The following TRUB1 variants were observed in gnomAD, a reference collection of about 807,000 sequenced individuals.
The protein encoded by TRUB1 is TruB pseudouridine synthase family member 1.
TRUB1 carries 23 observed loss-of-function variants against 33.9 expected under a neutral mutation model. That is an observed-to-expected ratio of 0.68 (90% confidence interval 0.49 to 0.96). The LOEUF is 0.96. Ranked by LOEUF, TRUB1 falls within the 40% of genes least tolerant of loss-of-function variation. The probability of loss-of-function intolerance (pLI) is 0.00; values close to 1 mark genes in which losing one functional copy is unlikely to be tolerated. For synonymous variants in TRUB1, 163 were observed against 165.4 expected (o/e 0.99, Z 0.11); for missense variants, 378 against 422.2 (o/e 0.90, Z 0.92).
chr10:114,958,477 T>C (rs2143021806), intron 3 of TRUB1, among the ~76,000 whole-genome samples: 1 of 152,338 alleles, frequency 6.6e-6, no homozygotes, highest in Admixed American at 6.5e-5. Flanking sequence ...TTTGAAGTTT[T>C]AATATTTTTC....
intron 4 of TRUB1, among the ~76,000 whole-genome samples, chr10:114,969,033 T>C (rs1592054080): frequency 6.6e-6 from 1 of 152,142 alleles, no homozygotes; most frequent in African/African-American, 2.4e-5. Flanking sequence ...ATAGGAAATA[T>C]GTATGAAGAC....
intron 4 of TRUB1, 166 bp downstream of exon 4, chr10:114,959,973 A>G: frequency 1.8e-6 from 1 of 559,002 alleles, no homozygotes; most frequent in East Asian, 3.0e-5. Context: ...TGCTTACTTG[A>G]TAGGAGTTTT....
At chr10:114,974,770 T>C (rs1366840449) in intron 7 of TRUB1, among the ~76,000 whole-genome samples, 7 of 152,086 alleles carry the variant, frequency 4.6e-5, no homozygotes, top group Non-Finnish European at 1.0e-4. Flanking sequence ...GCCAGAAGGT[T>C]TCGGTTCTGG....
At chr10:114,951,281 T>G (rs902976998) in intron 3 of TRUB1, 132 bp downstream of exon 3, 2 of 572,806 alleles carry the variant, frequency 3.5e-6, no homozygotes, top group Middle Eastern at 4.5e-4. Flanking sequence ...TAATTATGTC[T>G]ATAAACATAT....
chr10:114,962,515 G>T (rs1055415253), intron 4 of TRUB1, among the ~76,000 whole-genome samples: 2 of 152,120 alleles, frequency 1.3e-5, no homozygotes, highest in Non-Finnish European at 2.9e-5. Context: ...ACATTAATTT[G>T]CCATTGACTG....
chr10:114,963,546 C>T (rs1392640531), intron 4 of TRUB1, among the ~76,000 whole-genome samples: 2 of 152,178 alleles, frequency 1.3e-5, no homozygotes, highest in Non-Finnish European at 2.9e-5. Flanking sequence ...CTAGCTATCA[C>T]CCTTAGTCAA....
At position 114,953,556 on chromosome 10, in the gene TRUB1, C is replaced by T. The variant is rs114977531; in HGVS notation, c.441+2407C>T. Among the ~76,000 whole-genome samples, 1,126 of 151,490 alleles carry T rather than the reference C, an allele frequency of 7.4e-3. 16 individuals carry two copies. The highest frequency in any genetic ancestry group is 0.026 in the African/African-American group (1,067 of 41,334). The stretch of plus-strand genomic sequence containing the variant: ...TTTCAAAATTTTTTTGACTAAGACC[C>T]ATAGTAAGAAACATATTTTATGTAA... On this transcript the variant is annotated intron_variant, in intron 3 of 7. Coordinates refer to ENST00000298746, the MANE Select transcript of TRUB1 (RefSeq NM_139169.5).
chr10:114,977,428 T>C lies in TRUB1; in HGVS notation c.*2049T>C, dbSNP rs1330368068. On this transcript the variant is annotated 3_prime_UTR_variant, in exon 8 of 8. Coordinates refer to ENST00000298746, the MANE Select transcript of TRUB1 (RefSeq NM_139169.5). ...ATACTTAAGTAGTTTTAAATTTTAT[T>C]ATGATAAATTCCTGGGAGGGGGATT... 1 of 152,064 alleles carries C rather than the reference T, an allele frequency of 6.6e-6. No individual in the cohort carries two copies. The allele number at this position is 152,064 out of a possible 1,614,324, so 9.4% of individuals were successfully genotyped here.
At chr10:114,948,329 A>G (rs952068426) in intron 2 of TRUB1, among the ~76,000 whole-genome samples, 1 of 152,110 alleles carries the variant, frequency 6.6e-6, no homozygotes, top group Admixed American at 6.5e-5. Flanking sequence ...CTGAAATGCC[A>G]TTTCCTACCT....
chr10:114,951,746 G>A (rs1405791655), intron 3 of TRUB1, among the ~76,000 whole-genome samples: 1 of 152,144 alleles, frequency 6.6e-6, no homozygotes, highest in Non-Finnish European at 1.5e-5. Context: ...CTCAAAGAGA[G>A]AGTAATATCT....
At chr10:114,969,434 A>C (rs1251821896) in intron 4 of TRUB1, 2 of 150,182 alleles carry the variant, frequency 1.3e-5, no homozygotes, top group Admixed American at 6.6e-5. Context: ...CCTGTCTCAA[A>C]AAAAAAAAAA....
At position 114,951,074 on chromosome 10, in the gene TRUB1, T is replaced by C; in HGVS notation, c.386-20T>C. On this transcript the variant is annotated intron_variant, in intron 2 of 7. Transcript: ENST00000298746. The stretch of plus-strand genomic sequence containing the variant: ...GTTTTCAGAACAGAGTGTCATAATA[T>C]TTCTTTCTTTGATTTGTAGTTGTTG... The C allele has an allele frequency of 6.2e-7, 1 of 1,607,998 alleles. No individual in the cohort carries two copies. The highest frequency in any genetic ancestry group is 8.5e-7 in the Non-Finnish European group (1 of 1,175,510).
Position 114,970,460 on chromosome 10 carries a change from T to C in TRUB1, c.596+20T>C. The C allele has an allele frequency of 1.3e-6, 2 of 1,559,122 alleles. No homozygotes were observed. The highest frequency in any genetic ancestry group is 2.2e-5 in the East Asian group (1 of 44,512). On this transcript the variant is annotated intron_variant, in intron 5 of 7. Coordinates refer to ENST00000298746, the MANE Select transcript of TRUB1 (RefSeq NM_139169.5). ...CCCCCTGTAAGTTCAATTAGTAAATTTGGAAAAATGTTTACTTTTCTTTTC... is the reference window on the plus strand; with the variant it reads ...CCCCCTGTAAGTTCAATTAGTAAATCTGGAAAAATGTTTACTTTTCTTTTC...
chr10:114,970,404 A>G lies in TRUB1; in HGVS notation c.560A>G (p.Gln187Arg). Residue 187 changes from glutamine to arginine, a missense_variant, in exon 5 of 8, where the codon CAG (glutamine) becomes CGG (arginine). Physicochemically the swap from Gln to Arg is conservative, Grantham distance 43. Transcript: ENST00000298746. ...CAAGAAGATATTGAAGGCATTCTACAGAAATTTACTGGAAATATAATGCAA... is the reference window on the plus strand; with the variant it reads ...CAAGAAGATATTGAAGGCATTCTACGGAAATTTACTGGAAATATAATGCAA... ...ITQEDIEGIL[Q>R]KFTGNIMQVP... 1 of 1,612,510 alleles carries G rather than the reference A, an allele frequency of 6.2e-7. No homozygotes were observed. Among genetic ancestry groups the G allele is most frequent in the Non-Finnish European group, 8.5e-7 (1 of 1,178,954 alleles).
chr10:114,956,215 T>G (rs1475707386), intron 3 of TRUB1, among the ~76,000 whole-genome samples: 1 of 152,100 alleles, frequency 6.6e-6, no homozygotes, highest in Non-Finnish European at 1.5e-5. Context: ...AGTACACAGG[T>G]CAATGGAATG....
At chr10:114,957,557 G>C (rs1226163191) in intron 3 of TRUB1, among the ~76,000 whole-genome samples, 1 of 152,162 alleles carries the variant, frequency 6.6e-6, no homozygotes, top group Admixed American at 6.5e-5. Context: ...CCTACTCTTA[G>C]TCATGCTGTG....
chr10:114,961,082 C>A (rs2084283323), intron 4 of TRUB1, among the ~76,000 whole-genome samples: 1 of 152,074 alleles, frequency 6.6e-6, no homozygotes, highest in South Asian at 2.1e-4. Context: ...TCTAGCTGCG[C>A]AAATTTGAAA....
At chr10:114,943,526 T>TCAAAACAAAA (rs111577594) in intron 2 of TRUB1, among the ~76,000 whole-genome samples, 3,287 of 151,656 alleles carry the variant, frequency 0.022, 122 homozygotes, top group African/African-American at 0.076. Flanking sequence ...GGAGACTGTC[T>TCAAAACAAAA]CAAAACAAAA....
intron 4 of TRUB1, among the ~76,000 whole-genome samples, chr10:114,969,172 C>T (rs1175561432): frequency 2.0e-5 from 3 of 149,146 alleles, no homozygotes; most frequent in African/African-American, 2.5e-5. Context: ...TGGCTCACAC[C>T]TGTAATCCCA....
Sources: allele counts gnomAD v4.1 joint callset (sites outside exome capture counted in the v4.1 genomes callset), GRCh38; gene constraint gnomAD v4.1.1; transcripts MANE v1.5; gene names NCBI Gene and HGNC (gene_info 2026-07-23, HGNC 2026-07-21).